ACTN2: variants seen among roughly 807,000 people sequenced by gnomAD.
ACTN2 encodes alpha-actinin-2.
Under a neutral mutation model 113.8 loss-of-function variants are expected in ACTN2, and 39 were observed. The ratio of observed to expected loss-of-function variants is 0.34; its 90% CI spans 0.27 to 0.45. ACTN2 has a LOEUF of 0.45. ACTN2 is among the 20% of genes least tolerant of loss of function. The pLI is 1.00. For missense variants in ACTN2, 992 were observed against 1,177.9 expected (o/e 0.84, Z 2.31); for synonymous variants, 429 against 444.1 (o/e 0.97, Z 0.43).
chr1:236,694,256 G>A (rs1308309523), intron 1 of ACTN2, among the ~76,000 whole-genome samples: 1 of 133,602 alleles, frequency 7.5e-6, no homozygotes, highest in Non-Finnish European at 1.6e-5. Context: ...TTTCACTGTC[G>A]TTGCCCGGGC....
rs772586220 is a variant in ACTN2 at position 236,754,012 on chromosome 1, C to T, written c.1905C>T (p.Asn635=). ...LQEELARQHA[N]ERLRRQFAAQ... is the part of the protein sequence containing the mutation. The stretch of plus-strand genomic sequence containing the variant: ...AGGAGCTGGCTCGCCAGCATGCTAA[C>T]GAGCGTCTGAGGCGCCAGTTTGCTG... Residue 635 remains asparagine (N), a synonymous_variant, in exon 16 of 21, where the codon AAC becomes AAT. Coordinates refer to ENST00000366578, the MANE Select transcript of ACTN2 (RefSeq NM_001103.4). The surrounding 1 kb of genome is among the most constrained non-coding windows in gnomAD (Gnocchi z 4.9). The T allele has an allele frequency of 6.2e-6, 10 of 1,614,150 alleles. No individual in the cohort carries two copies. The highest frequency in any genetic ancestry group is 1.6e-4 in the Middle Eastern group (1 of 6,062).
rs747638397 is a variant in ACTN2 at position 236,744,618 on chromosome 1, C to T, written c.1256-8C>T. ...CATATTCATACTTTCTTGCTACCAC[C>T]TTTGCAGGCAAAGAGCAGATCTTGC... On this transcript the variant is annotated splice_region_variant and splice_polypyrimidine_tract_variant and intron_variant, in intron 11 of 20. Coordinates refer to ENST00000366578, the MANE Select transcript of ACTN2 (RefSeq NM_001103.4). The T allele has an allele frequency of 2.8e-5, 45 of 1,613,966 alleles. No homozygotes were observed. Among genetic ancestry groups the T allele is most frequent in the Non-Finnish European group, 3.7e-5 (44 of 1,180,028 alleles).
chr1:236,700,468 G>A (rs1318995473), intron 1 of ACTN2, among the ~76,000 whole-genome samples: 1 of 152,224 alleles, frequency 6.6e-6, no homozygotes. Context: ...GCTTACCACA[G>A]TGCCCAGGTA....
Position 236,690,283 on chromosome 1 carries a change from C to G in ACTN2, c.126+3484C>G, listed in dbSNP as rs531872920. Among the ~76,000 whole-genome samples, 11 of 152,274 alleles carry G rather than the reference C, an allele frequency of 7.2e-5. No homozygotes were observed. The East Asian group carries it at 1.9e-3, about 27-fold the overall frequency. On this transcript the variant is annotated intron_variant, in intron 1 of 20. Coordinates refer to ENST00000366578, the MANE Select transcript of ACTN2 (RefSeq NM_001103.4). ...CCTTCGAGTTGCCCCTGCCCTTGTT[C>G]TGTGGGCAGCAGCTGCTGATTTAGA...
chr1:236,697,777 T>TC (rs1657557738), intron 1 of ACTN2, among the ~76,000 whole-genome samples: 1 of 151,188 alleles, frequency 6.6e-6, no homozygotes, highest in Admixed American at 6.6e-5. Flanking sequence ...TTTTTTTTTT[T>TC]TGGAGACAGA....
chr1:236,745,945 C>T lies in ACTN2; in HGVS notation c.1406+1169C>T, dbSNP rs542413699. Among the ~76,000 whole-genome samples the T allele has an allele frequency of 5.9e-5, 9 of 152,002 alleles. No individual in the cohort carries two copies. In the East Asian group the frequency reaches 9.7e-4, roughly 16 times the overall value. ...TTGGGAGGCTGAGGTGGGCTGATCACGAGGTCAGGAGATCAAGACCATCCT... is the reference window on the plus strand; with the variant it reads ...TTGGGAGGCTGAGGTGGGCTGATCATGAGGTCAGGAGATCAAGACCATCCT... On this transcript the variant is annotated intron_variant, in intron 12 of 20. Transcript: ENST00000366578.
rs773942709 is a variant in ACTN2, at chr1:236,744,703, G to A, written c.1333G>A (p.Glu445Lys). 1.2e-5 allele frequency: 19 copies of A among 1,614,074 alleles called. 1 individual carries two copies. The Admixed American group carries it at 1.3e-4, about 11-fold the overall frequency. Reference protein sequence around the residue: ...TEVRALLRKHEAFESDLAAHQ... With the variant: ...TEVRALLRKHKAFESDLAAHQ... ...GGTGCGGGCTCTGCTGCGGAAGCAC[G>A]AGGCGTTCGAGAGCGACCTGGCAGC... Residue 445 changes from glutamate to lysine, a missense_variant, in exon 12 of 21, where the codon GAG (glutamate) becomes AAG (lysine). Glu to Lys is a moderately conservative substitution (Grantham distance 56). This residue lies in a region of ACTN2 where 736 missense variants were observed against 815.4 expected (regional missense o/e 0.90). Coordinates refer to ENST00000366578, the MANE Select transcript of ACTN2 (RefSeq NM_001103.4).
intron 10 of ACTN2, 135 bp downstream of exon 10, chr1:236,739,667 A>G (rs1251531352): frequency 5.6e-6 from 6 of 1,068,300 alleles, no homozygotes; most frequent in South Asian, 1.4e-5. Flanking sequence ...TTGGCCCTGT[A>G]ACCACTTTGT....
chr1:236,755,277 C>G, intron 17 of ACTN2, 79 bp downstream of exon 17: 2 of 1,521,934 alleles, frequency 1.3e-6, no homozygotes, highest in Non-Finnish European at 1.8e-6. Context: ...TCTTCATGCA[C>G]TTGTCTTTCT....
intron 1 of ACTN2, among the ~76,000 whole-genome samples, chr1:236,698,334 G>A (rs200464707): frequency 6.6e-6 from 1 of 151,642 alleles, no homozygotes; most frequent in Non-Finnish European, 1.5e-5. Flanking sequence ...TAGATGTTTT[G>A]TTTTAAGGTT....
At chr1:236,747,002 C>T (rs1390041378) in intron 12 of ACTN2, among the ~76,000 whole-genome samples, 3 of 152,156 alleles carry the variant, frequency 2.0e-5, no homozygotes, top group Admixed American at 1.3e-4. Flanking sequence ...CACAATGTGG[C>T]GCAGGCTGAC....
intron 4 of ACTN2, among the ~76,000 whole-genome samples, chr1:236,721,597 G>A (rs1249930457): frequency 2.0e-5 from 3 of 152,202 alleles, no homozygotes; most frequent in East Asian, 3.8e-4. Context: ...TTCTATTACA[G>A]TACCTTCCTT....
At chr1:236,728,695 G>A (rs1658632033) in intron 6 of ACTN2, among the ~76,000 whole-genome samples, 1 of 151,628 alleles carries the variant, frequency 6.6e-6, no homozygotes, top group African/African-American at 2.4e-5. Context: ...AAGGTTTAGT[G>A]TGTTTAAGTC....
rs1659503619 is a variant in ACTN2 at position 236,754,800 on chromosome 1, T to C, written c.1975-219T>C. The stretch of plus-strand genomic sequence containing the variant: ...CTCTGTTTTGGATCTTGGTTGACTT[T>C]TTCCTCATTTTCTAGACAGACTAGA... On this transcript the variant is annotated intron_variant, in intron 16 of 20. Coordinates refer to ENST00000366578, the MANE Select transcript of ACTN2 (RefSeq NM_001103.4). This position sits in a 1 kb window ranked among gnomAD's most constrained non-coding sequence, Gnocchi z 4.9. 6.6e-6 allele frequency among the ~76,000 whole-genome samples: 1 copy of C among 152,162 alleles called. No homozygotes were observed. Among genetic ancestry groups the C allele is most frequent in the Non-Finnish European group, 1.5e-5 (1 of 68,028 alleles).
rs553932366 is a variant in ACTN2, at chr1:236,741,974, G to A, written c.1108-922G>A. On this transcript the variant is annotated intron_variant, in intron 10 of 20. Transcript: ENST00000366578. The stretch of plus-strand genomic sequence containing the variant: ...ACCGCTGCCACACCCCCTGCCTGCC[G>A]TCCTTCCCGCACGCACAGCACATCC... Among the ~76,000 whole-genome samples the A allele has an allele frequency of 4.6e-5, 7 of 152,196 alleles. No individual in the cohort carries two copies. In the East Asian group the frequency reaches 5.8e-4, roughly 13 times the overall value.
In ACTN2 at chr1:236,719,002, T is replaced by C. The variant is rs1658303075; in HGVS notation, c.350T>C (p.Ile117Thr). The change falls in exon 3 of 21, where the codon ATT (isoleucine) becomes ACT (threonine). Residue 117 changes from isoleucine (I) to threonine (T), a missense_variant. Ile to Thr is a moderately conservative substitution (Grantham distance 89, BLOSUM62 -1). This residue lies in a region of ACTN2 where 220 missense variants were observed against 337.5 expected (regional missense o/e 0.65). Coordinates refer to ENST00000366578, the MANE Select transcript of ACTN2 (RefSeq NM_001103.4). Reference sequence around the variant, plus strand: ...AGCAAAGGGGTGAAACTGGTGTCCATTGGCGCTGAAGGTGAGAGGTGTGGT... The same window carrying C: ...AGCAAAGGGGTGAAACTGGTGTCCACTGGCGCTGAAGGTGAGAGGTGTGGT... ...IASKGVKLVS[I>T]GAEEIVDGNV... The C allele has an allele frequency of 1.9e-6, 3 of 1,614,084 alleles. No individual in the cohort carries two copies. The highest frequency in any genetic ancestry group is 2.5e-6 in the Non-Finnish European group (3 of 1,179,996).
intron 5 of ACTN2, 112 bp downstream of exon 5, chr1:236,726,132 T>TATCGAGGAGAACTCAGGCTGTAG (rs1309160848): frequency 2.8e-5 from 26 of 934,834 alleles, no homozygotes; most frequent in Non-Finnish European, 3.3e-5. Flanking sequence ...GCCTTTTATG[T>TATCGAGGAGAACTCAGGCTGTAG]ATCGAGGAGA....
chr1:236,709,746 G>A (rs936760786), intron 1 of ACTN2, among the ~76,000 whole-genome samples: 1 of 152,140 alleles, frequency 6.6e-6, no homozygotes, highest in African/African-American at 2.4e-5. Flanking sequence ...AAAGCTACAT[G>A]TTCTTCAGGC....
chr1:236,736,911 G>C (rs758140726), intron 8 of ACTN2: 2 of 621,168 alleles, frequency 3.2e-6, no homozygotes, highest in African/African-American at 1.8e-5. Flanking sequence ...TCAGCCTGCC[G>C]TGTAAGTCTG....
Sources: allele counts gnomAD v4.1 joint callset (sites outside exome capture counted in the v4.1 genomes callset), GRCh38; gene constraint gnomAD v4.1.1; regional missense constraint gnomAD v4.1.1; non-coding constraint Gnocchi (gnomAD v3.1); transcripts MANE v1.5; gene names NCBI Gene and HGNC (gene_info 2026-07-23, HGNC 2026-07-21).